The following SLC38A6 variants were observed in gnomAD, a reference collection of about 807,000 sequenced individuals.
The protein encoded by SLC38A6 is solute carrier family 38 member 6, also known as N system amino acid transporter NAT-1.
SLC38A6 carries 73 observed loss-of-function variants against 65.0 expected under a neutral mutation model. That is an observed-to-expected ratio of 1.12 (90% CI 0.93 to 1.37). SLC38A6 has a LOEUF of 1.37. SLC38A6 is among the 40% of genes most tolerant of loss of function. The probability of loss-of-function intolerance (pLI) is 0.00; values close to 1 mark genes in which losing one functional copy is unlikely to be tolerated. For missense variants in SLC38A6, 561 were observed against 531.1 expected, an observed-to-expected ratio of 1.06 and a Z score of -0.55; for synonymous variants, 183 against 178.8, an observed-to-expected ratio of 1.02 and a Z score of -0.19.
intron 3 of SLC38A6, among the ~76,000 whole-genome samples, chr14:60,985,418 G>A (rs1255562491): frequency 2.0e-5 from 3 of 152,168 alleles, no homozygotes. Context: ...TTAGGATCCA[G>A]TAAATAAAAG....
chr14:61,030,959 T>TA (rs1465320943), intron 6 of SLC38A6: 1 of 152,640 alleles, frequency 6.6e-6, no homozygotes, highest in Non-Finnish European at 1.5e-5. Context: ...ATCATAGTGA[T>TA]AAAAAATGTG....
chr14:61,019,456 G>T, intron 4 of SLC38A6, 85 bp from the exon 5 acceptor site: 3 of 1,388,670 alleles, frequency 2.2e-6, no homozygotes, highest in Non-Finnish European at 3.0e-6. Context: ...TGCTTTTTTA[G>T]TAATAGTTAC....
At chr14:61,027,151 T>C (rs1326904481) in intron 5 of SLC38A6, among the ~76,000 whole-genome samples, 6 of 152,158 alleles carry the variant, frequency 3.9e-5, no homozygotes, top group Non-Finnish European at 1.5e-5. Context: ...GACAGATGTT[T>C]TATTTTTTCC....
intron 8 of SLC38A6, 64 bp from the exon 9 acceptor site, chr14:61,043,083 C>G: frequency 9.7e-7 from 1 of 1,033,274 alleles, no homozygotes. Context: ...TGACCTATTT[C>G]AATTCAGTTT....
At chr14:61,051,381 TATAAA>T (rs2042499847) in intron 13 of SLC38A6, among the ~76,000 whole-genome samples, 2 of 152,192 alleles carry the variant, frequency 1.3e-5, no homozygotes, top group East Asian at 1.9e-4. Context: ...CTGTGAAACA[TATAAA>T]ATAAAATAGT....
At chr14:61,008,423 G>A (rs573159833) in intron 3 of SLC38A6, among the ~76,000 whole-genome samples, 107 of 152,210 alleles carry the variant, frequency 7.0e-4, no homozygotes, top group South Asian at 4.6e-3. Flanking sequence ...TTATACAGTG[G>A]CAGTTGAAAG....
At chr14:61,081,377 A>C (rs1245437045) in intron 16 of SLC38A6, among the ~76,000 whole-genome samples, 1 of 152,162 alleles carries the variant, frequency 6.6e-6, no homozygotes, top group Non-Finnish European at 1.5e-5. Flanking sequence ...TCCCAGACCC[A>C]TCTTCCCAGG....
At chr14:61,024,067 G>A (rs980893393) in intron 5 of SLC38A6, among the ~76,000 whole-genome samples, 1 of 152,104 alleles carries the variant, frequency 6.6e-6, no homozygotes, top group African/African-American at 2.4e-5. Context: ...ATATGTAAGT[G>A]AGCATATAGT....
chr14:61,030,286 T>C (rs2040884119), intron 5 of SLC38A6, among the ~76,000 whole-genome samples, 159 bp from the exon 6 acceptor site: 1 of 151,926 alleles, frequency 6.6e-6, no homozygotes, highest in Non-Finnish European at 1.5e-5. Context: ...TGTGTGTGTG[T>C]GTGTGTGTGT....
chr14:61,077,070 G>C (rs979132881), intron 15 of SLC38A6, among the ~76,000 whole-genome samples: 1 of 152,194 alleles, frequency 6.6e-6, no homozygotes, highest in East Asian at 1.9e-4. Flanking sequence ...TTGGGACATT[G>C]ATAAGATTGC....
chr14:61,012,806 A>C (rs1475227004), intron 3 of SLC38A6, among the ~76,000 whole-genome samples: 9 of 152,060 alleles, frequency 5.9e-5, no homozygotes, highest in African/African-American at 2.2e-4. Context: ...ACTTCCAACT[A>C]TGTGGTCAGT....
chr14:61,014,131 A>C (rs1248142189), intron 3 of SLC38A6, among the ~76,000 whole-genome samples: 2 of 151,934 alleles, frequency 1.3e-5, no homozygotes, highest in Non-Finnish European at 2.9e-5. Flanking sequence ...CATTTCATTC[A>C]TTTGATCTTT....
chr14:61,003,747 T>G (rs187158248), intron 3 of SLC38A6, among the ~76,000 whole-genome samples: 2 of 152,176 alleles, frequency 1.3e-5, no homozygotes, highest in South Asian at 2.1e-4. Flanking sequence ...TAGTAAAGCC[T>G]CAATGTTAAG....
intron 2 of SLC38A6, 116 bp downstream of exon 2, chr14:60,982,754 G>T: frequency 1.7e-6 from 2 of 1,207,966 alleles, no homozygotes; most frequent in Non-Finnish European, 1.1e-6. Context: ...TTATTTCTGG[G>T]GTTTTAGCAT....
chr14:60,997,838 A>G (rs1265225057), intron 3 of SLC38A6, among the ~76,000 whole-genome samples: 1 of 152,198 alleles, frequency 6.6e-6, no homozygotes, highest in African/African-American at 2.4e-5. Flanking sequence ...TGATAGTGTC[A>G]TCAATGAAGA....
chr14:60,981,760 C>T, intron 1 of SLC38A6: 4 of 1,274,746 alleles, frequency 3.1e-6, no homozygotes, highest in Admixed American at 2.3e-5. Context: ...ACAGGATTTT[C>T]CTCTTCCGAC....
intron 3 of SLC38A6, among the ~76,000 whole-genome samples, chr14:61,003,901 A>G (rs529090489): frequency 1.3e-5 from 2 of 152,248 alleles, no homozygotes; most frequent in Non-Finnish European, 2.9e-5. Context: ...GGATTTGACC[A>G]TTGTAGTCAG....
chr14:61,044,310 T>C (rs1020623470), intron 10 of SLC38A6, among the ~76,000 whole-genome samples: 17 of 152,224 alleles, frequency 1.1e-4, no homozygotes, highest in Admixed American at 8.5e-4. Context: ...ATCTCTAGTT[T>C]TTAAATGAGA....
intron 15 of SLC38A6, among the ~76,000 whole-genome samples, chr14:61,068,284 C>CCTA (rs1163398711): frequency 6.6e-6 from 1 of 152,160 alleles, no homozygotes; most frequent in Non-Finnish European, 1.5e-5. Context: ...ATTCCTGCTA[C>CCTA]CTACAGTCCA....
Sources: gnomAD v4.1 joint callset for allele counts (sites outside exome capture counted in the v4.1 genomes callset) on GRCh38, gnomAD v4.1.1 for gene constraint, MANE v1.5 for transcripts, NCBI Gene and HGNC (gene_info 2026-07-23, HGNC 2026-07-21) for gene names.